The following TRPM5 variants were observed in gnomAD, a reference collection of about 807,000 sequenced individuals.
TRPM5 encodes the protein MLSN1 and TRP-related.
In TRPM5, 121 loss-of-function variants were observed where a neutral mutation model predicts 124.9. That is an observed-to-expected ratio of 0.97 (90% confidence interval 0.84 to 1.13). The LOEUF (loss-of-function observed/expected upper bound fraction) is 1.13, where lower values mean the gene tolerates loss of function less well. Ranked by LOEUF, TRPM5 falls within the 50% of genes most tolerant of loss-of-function variation. The pLI is 0.00. For synonymous variants in TRPM5, 781 were observed against 700.5 expected (o/e 1.11, Z -1.81); for missense variants, 1,643 against 1,589.1 (o/e 1.03, Z -0.58).
intron 22 of TRPM5, 103 bp downstream of exon 27, chr11:2,405,916 G>A: frequency 1.8e-6 from 2 of 1,106,022 alleles, no homozygotes; most frequent in Non-Finnish European, 2.7e-6. Context: ...GCTCTGGCCT[G>A]CCTCATCTCT....
At chr11:2,419,327 A>AC (rs1845732818) in intron 4 of TRPM5, among the ~76,000 whole-genome samples, 1 of 152,066 alleles carries the variant, frequency 6.6e-6, no homozygotes, top group South Asian at 2.1e-4. Flanking sequence ...TGCTCAGTTG[A>AC]CCGGGCACAG....
At chr11:2,425,369 C>G (rs2133540304), upstream of TRPM5, among the ~76,000 whole-genome samples, 1 of 152,302 alleles carries the variant, frequency 6.6e-6, no homozygotes, top group Non-Finnish European at 1.5e-5. Context: ...CCGCGTGGCT[C>G]CAGCTTCTGC....
chr11:2,414,005 G>T, intron 12 of TRPM5, 56 bp downstream of exon 17: 1 of 1,078,668 alleles, frequency 9.3e-7, no homozygotes, highest in Non-Finnish European at 1.4e-6. Flanking sequence ...GCTGGGCCCA[G>T]CTCGCCCGCC....
intron 18 of TRPM5, chr11:2,410,754 GC>G: frequency 2.2e-6 from 1 of 444,574 alleles, no homozygotes; most frequent in Non-Finnish European, 4.5e-6. Flanking sequence ...ACACCCATAG[GC>G]ATGGGCAGGC....
At chr11:2,434,182 C>T in the TRPM5 span, among the ~76,000 whole-genome samples, 149 of 146,016 alleles carry the variant, frequency 1.0e-3, no homozygotes, top group African/African-American at 3.5e-3. Context: ...TCTGTGTGGA[C>T]GGTGTATGTG....
chr11:2,443,986 C>A, the TRPM5 span, among the ~76,000 whole-genome samples: 3 of 152,150 alleles, frequency 2.0e-5, no homozygotes, highest in African/African-American at 7.2e-5. This position sits in a 1 kb window ranked among gnomAD's most constrained non-coding sequence, Gnocchi z 5.0. Context: ...GAGGACAAGG[C>A]GCCCATTCTC....
intron 18 of TRPM5, 51 bp from the exon 24 acceptor site, chr11:2,407,963 G>A (rs373711079): frequency 1.3e-5 from 20 of 1,595,350 alleles, no homozygotes; most frequent in Middle Eastern, 2.0e-4. Flanking sequence ...CCACAAGGGC[G>A]GCCTTAGGCA....
chr11:2,417,688 C>A, intron 7 of TRPM5, 39 bp downstream of exon 12: 1 of 1,516,728 alleles, frequency 6.6e-7, no homozygotes, highest in East Asian at 2.4e-5. Context: ...CATGAAGCCC[C>A]CCAATGGCGC....
Position 2,414,842 on chromosome 11 carries a change from C to T in TRPM5, c.1621-4G>A, listed in dbSNP as rs112219057. 9.1e-5 allele frequency: 145 copies of T among 1,591,634 alleles called. 1 individual carries two copies. The highest frequency in any genetic ancestry group is 1.1e-4 in the Non-Finnish European group (130 of 1,170,240). On this transcript the variant is annotated splice_polypyrimidine_tract_variant and splice_region_variant and intron_variant, in intron 10 of 23. Coordinates refer to ENST00000155858, the Ensembl canonical transcript of TRPM5. Reference sequence around the variant, plus strand: ...CGGCTGCCACACCTTCCTGGCCCTACGAGACCTGGTCTCAGGAGGCCGCCC... The same window carrying T: ...CGGCTGCCACACCTTCCTGGCCCTATGAGACCTGGTCTCAGGAGGCCGCCC...
chr11:2,427,110 C>T (rs1468635926), upstream of TRPM5, among the ~76,000 whole-genome samples: 1 of 152,204 alleles, frequency 6.6e-6, no homozygotes, highest in East Asian at 1.9e-4. Context: ...CCCACCTCAC[C>T]CCAGTGGGGC....
At chr11:2,422,430 G>A in intron 1 of TRPM5, 109 bp from the exon 7 acceptor site, 1 of 829,380 alleles carries the variant, frequency 1.2e-6, no homozygotes, top group Non-Finnish European at 1.8e-6. Flanking sequence ...CTGAGCATGG[G>A]GGGACACTGG....
exon 20 of TRPM5, chr11:2,407,248 G>C: frequency 6.2e-7 from 1 of 1,612,242 alleles, no homozygotes; most frequent in African/African-American, 1.3e-5. Context: ...AGGTTGTAGC[G>C]CTGGAACTTC....
Position 2,415,368 on chromosome 11 carries a change from G to A in TRPM5, c.1232C>T (p.Thr411Met), listed in dbSNP as rs567859896. 79 of 1,588,854 alleles carry A rather than the reference G, an allele frequency of 5.0e-5. No individual in the cohort carries two copies. Among genetic ancestry groups the A allele is most frequent in the South Asian group, 2.6e-4 (23 of 89,412 alleles). Residue 411 changes from threonine (T) to methionine (M), a missense_variant, in exon 9 of 24, where the codon ACG becomes ATG. Coordinates refer to ENST00000155858, the Ensembl canonical transcript of TRPM5. ...GTAGAGCTCCTGCAGCCGCCCATAC[G>A]TCAGGAAGTCGGCCACGTCTGCGCC... is the stretch of plus-strand genomic sequence containing the variant.
Position 2,415,198 on chromosome 11 carries a change from G to A in TRPM5, c.1402C>T (p.Arg468Cys), listed in dbSNP as rs539036580. Residue 468 changes from arginine (R) to cysteine (C), a missense_variant, in exon 9 of 24, where the codon CGC (arginine) becomes TGC (cysteine). By Grantham distance (180) the Arg-to-Cys change is radical (BLOSUM62 -3). Coordinates refer to ENST00000155858, the Ensembl canonical transcript of TRPM5. ...TCCTGCAGGAAGTCCTTGAGTACGCGGGAGACCTCGTGCAGGGAGAAGGCC... is the reference window on the plus strand; with the variant it reads ...TCCTGCAGGAAGTCCTTGAGTACGCAGGAGACCTCGTGCAGGGAGAAGGCC... 30 of 1,583,184 alleles carry A rather than the reference G, an allele frequency of 1.9e-5. No individual in the cohort carries two copies. Among genetic ancestry groups the A allele is most frequent in the South Asian group, 3.4e-5 (3 of 87,906 alleles).
chr11:2,417,132 G>A (rs1845698635), intron 7 of TRPM5, among the ~76,000 whole-genome samples: 1 of 152,138 alleles, frequency 6.6e-6, no homozygotes, highest in African/African-American at 2.4e-5. Flanking sequence ...AAAAGTGATG[G>A]TCGCCCCACC....
At chr11:2,425,806 C>T (rs1177794943), upstream of TRPM5, among the ~76,000 whole-genome samples, 2 of 152,162 alleles carry the variant, frequency 1.3e-5, no homozygotes, top group Non-Finnish European at 2.9e-5. Context: ...TTGGCCATGA[C>T]CCTCAGCCTG....
intron 18 of TRPM5, among the ~76,000 whole-genome samples, chr11:2,408,706 A>AGGAGGAG (rs1282620331): frequency 6.6e-6 from 1 of 152,160 alleles, no homozygotes; most frequent in Non-Finnish European, 1.5e-5. Flanking sequence ...CCTGCGGGGC[A>AGGAGGAG]GGAGGAGGGA....
At chr11:2,432,777 C>A in the TRPM5 span, among the ~76,000 whole-genome samples, 2 of 152,358 alleles carry the variant, frequency 1.3e-5, no homozygotes, top group East Asian at 3.9e-4. Flanking sequence ...GCGCCCCCAA[C>A]CCAGCATCTC....
chr11:2,404,562 G>A (rs569449381), exon 24 of TRPM5: 58 of 210,640 alleles, frequency 2.8e-4, no homozygotes, highest in Non-Finnish European at 5.0e-4. Flanking sequence ...GTCAGGGCAG[G>A]GGTGGGTGCA....
Sources: allele counts gnomAD v4.1 joint callset (sites outside exome capture counted in the v4.1 genomes callset), GRCh38; gene constraint gnomAD v4.1.1; non-coding constraint Gnocchi (gnomAD v3.1); transcripts MANE v1.5; gene names NCBI Gene and HGNC (gene_info 2026-07-23, HGNC 2026-07-21).